Variants in VPS41 observed in about 807,000 individuals in gnomAD.
VPS41 encodes vacuolar protein sorting-associated protein 41 homolog.
VPS41 carries 85 observed loss-of-function variants against 130.9 expected under a neutral mutation model. That is an observed-to-expected ratio of 0.65 (90% CI 0.55 to 0.78). VPS41 has a LOEUF of 0.78. VPS41 is among the 30% of genes least tolerant of loss of function. VPS41 has a pLI of 0.00. For missense variants in VPS41, 874 were observed against 1,018.7 expected (o/e 0.86, Z 1.93); for synonymous variants, 335 against 332.9 (o/e 1.01, Z -0.07).
At chr7:38,755,108 T>C (rs1438672613) in intron 19 of VPS41, among the ~76,000 whole-genome samples, 172 bp from the exon 20 acceptor site, 1 of 152,224 alleles carries the variant, frequency 6.6e-6, no homozygotes, top group Non-Finnish European at 1.5e-5. Context: ...TGTGAAGAAC[T>C]GCATTTTCAA....
intron 9 of VPS41, among the ~76,000 whole-genome samples, chr7:38,794,365 C>G (rs866725435): frequency 5.9e-5 from 9 of 152,146 alleles, no homozygotes; most frequent in African/African-American, 1.9e-4. Flanking sequence ...AACATGAGGG[C>G]TGGGAGGGCC....
At chr7:38,859,870 T>C (rs1786067409) in intron 4 of VPS41, among the ~76,000 whole-genome samples, 1 of 152,220 alleles carries the variant, frequency 6.6e-6, no homozygotes, top group Admixed American at 6.5e-5. Context: ...TTAAGTAAAA[T>C]TGCTTTAGCA....
chr7:38,899,577 C>A (rs1201624178), intron 1 of VPS41, among the ~76,000 whole-genome samples: 1 of 152,216 alleles, frequency 6.6e-6, no homozygotes, highest in East Asian at 1.9e-4. Flanking sequence ...ATTCTGACTT[C>A]TTTACTGAAC....
intron 25 of VPS41, among the ~76,000 whole-genome samples, chr7:38,740,403 C>T (rs980943990): frequency 2.0e-5 from 3 of 152,116 alleles, no homozygotes; most frequent in South Asian, 2.1e-4. Context: ...CAGGCAGGGA[C>T]GTCACCTTTC....
intron 9 of VPS41, 45 bp downstream of exon 9, chr7:38,795,420 G>T: frequency 6.4e-7 from 1 of 1,563,074 alleles, no homozygotes. Context: ...CACCCTCAGT[G>T]GATCTATAAC....
chr7:38,819,483 T>C (rs188546470), intron 6 of VPS41, among the ~76,000 whole-genome samples: 1 of 152,208 alleles, frequency 6.6e-6, no homozygotes, highest in East Asian at 1.9e-4. Flanking sequence ...TAAAGAAGAG[T>C]CTCTGCTGAT....
intron 10 of VPS41, among the ~76,000 whole-genome samples, chr7:38,780,717 C>A (rs1173517312): frequency 6.6e-6 from 1 of 152,132 alleles, no homozygotes; most frequent in Non-Finnish European, 1.5e-5. Flanking sequence ...CGTGCTATAG[C>A]TTGGATGTGT....
intron 7 of VPS41, among the ~76,000 whole-genome samples, chr7:38,797,263 T>C (rs896060883): frequency 2.6e-5 from 4 of 152,252 alleles, no homozygotes; most frequent in Non-Finnish European, 5.9e-5. Flanking sequence ...GAAAATAAGA[T>C]ATTAGTCACA....
intron 2 of VPS41, among the ~76,000 whole-genome samples, chr7:38,883,545 T>C (rs1037697367): frequency 6.6e-6 from 1 of 152,256 alleles, no homozygotes. Context: ...ACTAGTGTTA[T>C]TTCACTTGGT....
intron 28 of VPS41, 84 bp from the exon 29 acceptor site, chr7:38,726,410 G>C: frequency 9.5e-7 from 1 of 1,053,062 alleles, no homozygotes; most frequent in Non-Finnish European, 1.4e-6. Flanking sequence ...GGTAGCGTTA[G>C]TCAGGGGGTG....
Position 38,845,246 on chromosome 7 carries a change from C to T in VPS41, c.247-14918G>A, listed in dbSNP as rs79807304. On this transcript the variant is annotated intron_variant, in intron 4 of 28. Coordinates refer to ENST00000310301, the MANE Select transcript of VPS41 (RefSeq NM_014396.4). ...TTCACAATCTGGGAAATGTTCAAAA[C>T]ATTACTTCAATAAAAGGAAAAAAAC... Among the ~76,000 whole-genome samples, 69 of 152,288 alleles carry T rather than the reference C, an allele frequency of 4.5e-4. 2 individuals are homozygous for T. In the East Asian group the frequency reaches 0.013, roughly 29 times the overall value.
chr7:38,899,871 A>G (rs1787105276), intron 1 of VPS41, among the ~76,000 whole-genome samples: 1 of 151,758 alleles, frequency 6.6e-6, no homozygotes, highest in Non-Finnish European at 1.5e-5. Flanking sequence ...ACCTAAGGAA[A>G]TTTTTTTTTC....
chr7:38,793,741 C>T (rs1387142498), intron 9 of VPS41, among the ~76,000 whole-genome samples: 1 of 152,148 alleles, frequency 6.6e-6, no homozygotes, highest in Admixed American at 6.5e-5. Flanking sequence ...GCTGTCTCCT[C>T]CAGCTTTCTG....
chr7:38,728,912 C>T, intron 25 of VPS41, 121 bp from the exon 26 acceptor site: 1 of 857,774 alleles, frequency 1.2e-6, no homozygotes, highest in Non-Finnish European at 1.8e-6. Context: ...GGGGCACTCA[C>T]TGATTCTCTT....
At chr7:38,902,120 T>C (rs1338029665) in intron 1 of VPS41, among the ~76,000 whole-genome samples, 2 of 152,216 alleles carry the variant, frequency 1.3e-5, no homozygotes, top group Admixed American at 1.3e-4. Flanking sequence ...TACTGTGTGA[T>C]TTCTGTGCCT....
chr7:38,888,572 T>C (rs1584447367), intron 2 of VPS41, among the ~76,000 whole-genome samples: 1 of 152,136 alleles, frequency 6.6e-6, no homozygotes, highest in Admixed American at 6.6e-5. Context: ...CACACAGTAA[T>C]AATGGGAGAC....
At chr7:38,815,941 T>TAC (rs1388731336) in intron 7 of VPS41, among the ~76,000 whole-genome samples, 8 of 142,804 alleles carry the variant, frequency 5.6e-5, no homozygotes, top group Admixed American at 1.4e-4. Flanking sequence ...TATATATATA[T>TAC]ACACATATAT....
chr7:38,760,570 T>G (rs1026282076), intron 17 of VPS41, among the ~76,000 whole-genome samples: 1 of 152,036 alleles, frequency 6.6e-6, no homozygotes, highest in African/African-American at 2.4e-5. Flanking sequence ...ACTTATTTAT[T>G]TATTTATTTT....
At chr7:38,865,271 A>G (rs576808868) in intron 3 of VPS41, among the ~76,000 whole-genome samples, 106 of 152,314 alleles carry the variant, frequency 7.0e-4, no homozygotes, top group African/African-American at 2.4e-3. Flanking sequence ...CATGGACTTC[A>G]GATAAAGAGT....
Sources: gnomAD v4.1 joint callset for allele counts (sites outside exome capture counted in the v4.1 genomes callset) on GRCh38, gnomAD v4.1.1 for gene constraint, MANE v1.5 for transcripts, NCBI Gene and HGNC (gene_info 2026-07-23, HGNC 2026-07-21) for gene names.